FOXN3: variants seen among roughly 807,000 people sequenced by gnomAD.
The protein encoded by FOXN3 is forkhead box N3.
FOXN3 carries 7 observed loss-of-function variants against 38.4 expected under a neutral mutation model. That is an observed-to-expected ratio of 0.18 (90% confidence interval 0.10 to 0.34). FOXN3 has a LOEUF of 0.34. FOXN3 is among the 10% of genes least tolerant of loss of function. FOXN3 has a pLI of 1.00. For synonymous variants in FOXN3, 230 were observed against 242.2 expected (o/e 0.95, Z 0.47); for missense variants, 456 against 613.4 (o/e 0.74, Z 2.71).
intron 3 of FOXN3, among the ~76,000 whole-genome samples, chr14:89,324,923 TC>T (rs1888004705): frequency 1.3e-5 from 2 of 152,082 alleles, no homozygotes; most frequent in African/African-American, 4.8e-5. Context: ...TCTCCCAGGC[TC>T]CCAGGAAACG....
intron 2 of FOXN3, among the ~76,000 whole-genome samples, chr14:89,381,410 T>G (rs887845971): frequency 1.3e-5 from 2 of 151,332 alleles, no homozygotes; most frequent in Non-Finnish European, 2.9e-5. Context: ...CAACATCTGG[T>G]GACATAACCA....
At chr14:89,483,059 T>C (rs1309199512) in intron 1 of FOXN3, among the ~76,000 whole-genome samples, 1 of 151,928 alleles carries the variant, frequency 6.6e-6, no homozygotes, top group African/African-American at 2.4e-5. Flanking sequence ...ATACAAAAAT[T>C]AGCCAGGTGT....
chr14:89,375,260 G>A (rs374680844), intron 2 of FOXN3, among the ~76,000 whole-genome samples: 5 of 152,024 alleles, frequency 3.3e-5, no homozygotes, highest in African/African-American at 7.2e-5. Context: ...TCTGTTCATC[G>A]TCAAGTATAT....
intron 3 of FOXN3, among the ~76,000 whole-genome samples, chr14:89,340,666 G>A (rs951737272): frequency 1.3e-5 from 2 of 152,142 alleles, no homozygotes; most frequent in African/African-American, 4.8e-5. Flanking sequence ...TATGCAAAGG[G>A]TGGGTGTTAT....
intron 1 of FOXN3, among the ~76,000 whole-genome samples, chr14:89,434,566 G>A (rs1332430110): frequency 1.3e-5 from 2 of 152,044 alleles, no homozygotes; most frequent in East Asian, 3.9e-4. Flanking sequence ...TTTTTAAGAA[G>A]CTCATGATCA....
chr14:89,484,526 C>T lies in FOXN3; in HGVS notation c.-14-72036G>A, dbSNP rs188352636. 6.6e-6 allele frequency among the ~76,000 whole-genome samples: 1 copy of T among 152,174 alleles called. No homozygotes were observed. ...TCCCAACCACTGAAAAATGTGAAAACCATTCTTAGTACATTGGCGATGCAC... is the reference window on the plus strand; with the variant it reads ...TCCCAACCACTGAAAAATGTGAAAATCATTCTTAGTACATTGGCGATGCAC... On this transcript the variant is annotated intron_variant, in intron 1 of 6. Coordinates refer to the FOXN3 transcript ENST00000345097. This position sits in a 1 kb window ranked among gnomAD's most constrained non-coding sequence, Gnocchi z 4.0.
chr14:89,608,870 A>G (rs1264757063), intron 1 of FOXN3, among the ~76,000 whole-genome samples: 4 of 152,234 alleles, frequency 2.6e-5, no homozygotes, highest in Non-Finnish European at 5.9e-5. Flanking sequence ...GGTGTGATCA[A>G]AAGTTATTCT....
chr14:89,163,832 C>A lies in FOXN3; in HGVS notation c.852-863G>T, dbSNP rs375471496. 7.2e-5 allele frequency among the ~76,000 whole-genome samples: 11 copies of A among 152,172 alleles called. No homozygotes were observed. Among genetic ancestry groups the A allele is most frequent in the African/African-American group, 2.7e-4 (11 of 41,444 alleles). Reference sequence around the variant, plus strand: ...CAACTGATCACTTGCGGAGCAGGGACTGGAATCAAAGTCTGACTCTCAGAC... The same window carrying A: ...CAACTGATCACTTGCGGAGCAGGGAATGGAATCAAAGTCTGACTCTCAGAC... On this transcript the variant is annotated intron_variant, in intron 5 of 5. Coordinates refer to ENST00000557258, the MANE Select transcript of FOXN3 (RefSeq NM_005197.4). This position sits in a 1 kb window ranked among gnomAD's most constrained non-coding sequence, Gnocchi z 4.3.
chr14:89,377,226 A>G (rs916434899), intron 2 of FOXN3, among the ~76,000 whole-genome samples: 1 of 151,720 alleles, frequency 6.6e-6, no homozygotes, highest in Admixed American at 6.6e-5. Context: ...GGGGGAGAGG[A>G]AAATGGGAAG....
intron 1 of FOXN3, among the ~76,000 whole-genome samples, chr14:89,509,114 T>G (rs1894006031): frequency 6.6e-6 from 1 of 151,796 alleles, no homozygotes; most frequent in Non-Finnish European, 1.5e-5. Flanking sequence ...CTGACCTCCC[T>G]GATAGTCTTG....
At chr14:89,243,549 A>G (rs1885202200) in intron 4 of FOXN3, among the ~76,000 whole-genome samples, 1 of 152,214 alleles carries the variant, frequency 6.6e-6, no homozygotes, top group Non-Finnish European at 1.5e-5. Context: ...TTATTTTATG[A>G]AGAATGTATC....
intron 4 of FOXN3, among the ~76,000 whole-genome samples, chr14:89,187,848 T>C (rs1452739075): frequency 6.6e-6 from 1 of 152,146 alleles, no homozygotes. Context: ...GCTCCAATCC[T>C]TGGGGTCCTT....
Position 89,483,676 on chromosome 14 carries a change from G to A in FOXN3, c.-14-71186C>T, listed in dbSNP as rs572362269. Among the ~76,000 whole-genome samples, 52 of 152,276 alleles carry A rather than the reference G, an allele frequency of 3.4e-4. 1 individual carries two copies. In the South Asian group the frequency reaches 0.011, roughly 32 times the overall value. ...GCCTGCCTCGGCCTCCCAAAGTGCT[G>A]GGATTACAGGCGTGAGCCACTGCAC... On this transcript the variant is annotated intron_variant, in intron 1 of 6. Coordinates refer to the FOXN3 transcript ENST00000345097.
rs569027093 is a variant in FOXN3 at position 89,255,549 on chromosome 14, G to C, written c.745+25401C>G. ...CACCCAGAATGCCAGAGGCTAGATGGGATCTTAAGAAATGGTCCCATCCAA... is the reference window on the plus strand; with the variant it reads ...CACCCAGAATGCCAGAGGCTAGATGCGATCTTAAGAAATGGTCCCATCCAA... On this transcript the variant is annotated intron_variant, in intron 4 of 5. Coordinates refer to ENST00000557258, the MANE Select transcript of FOXN3 (RefSeq NM_005197.4). Among the ~76,000 whole-genome samples the C allele has an allele frequency of 7.9e-5, 12 of 152,098 alleles. No homozygotes were observed. The East Asian group carries it at 2.3e-3, about 30-fold the overall frequency.
intron 3 of FOXN3, among the ~76,000 whole-genome samples, chr14:89,320,956 G>A (rs746210157): frequency 2.6e-5 from 4 of 152,116 alleles, no homozygotes; most frequent in Admixed American, 2.0e-4. Flanking sequence ...GGGGAGTTGG[G>A]GTCAAGGGGA....
chr14:89,451,239 C>T (rs530930945), intron 1 of FOXN3, among the ~76,000 whole-genome samples: 2 of 152,288 alleles, frequency 1.3e-5, no homozygotes, highest in African/African-American at 2.4e-5. Flanking sequence ...AGATGACACC[C>T]AAGGAGGTAT....
chr14:89,467,804 G>GTTTTTTTTTTTTTTTTTTTTTTTTTTT (rs68132432), intron 1 of FOXN3, among the ~76,000 whole-genome samples: 1 of 56,580 alleles, frequency 1.8e-5, no homozygotes, highest in Non-Finnish European at 3.1e-5. Flanking sequence ...TTCTTTCTTT[G>GTTTTTTTTTTTTTTTTTTTTTTTTTTT]TTTTTTTTTT....
intron 4 of FOXN3, among the ~76,000 whole-genome samples, chr14:89,267,057 AGGTAGTTTACCTTCTTC>A (rs990916220): frequency 2.6e-5 from 4 of 152,124 alleles, no homozygotes; most frequent in Non-Finnish European, 4.4e-5. Flanking sequence ...TCTCCCTTTT[AGGTAGTTTACCTTCTTC>A]CCTTCTTCCC....
At chr14:89,575,709 T>G (rs755542480) in intron 1 of FOXN3, among the ~76,000 whole-genome samples, 2 of 152,136 alleles carry the variant, frequency 1.3e-5, no homozygotes, top group Admixed American at 6.5e-5. Flanking sequence ...TCAACTTAGC[T>G]CCCAAATCAG....
Sources: gnomAD v4.1 joint callset for allele counts (sites outside exome capture counted in the v4.1 genomes callset) on GRCh38, gnomAD v4.1.1 for gene constraint, Gnocchi (gnomAD v3.1) non-coding constraint, MANE v1.5 for transcripts, NCBI Gene and HGNC (gene_info 2026-07-23, HGNC 2026-07-21) for gene names.